SYT16: variants seen among roughly 807,000 people sequenced by gnomAD.
SYT16 encodes the protein synaptotagmin-16.
A neutral mutation model predicts 61.4 loss-of-function variants in SYT16; 42 were observed. The ratio of observed to expected loss-of-function variants is 0.68; its 90% CI spans 0.53 to 0.89. The LOEUF is 0.89. Among genes scored for constraint, SYT16 ranks in the 40% least tolerant of loss-of-function variants. The pLI, the probability that SYT16 is intolerant of heterozygous loss-of-function variation, is 0.00. For synonymous variants in SYT16, 314 were observed against 302.3 expected, an observed-to-expected ratio of 1.04 and a Z score of -0.40; for missense variants, 804 against 807.3, an observed-to-expected ratio of 1.00 and a Z score of 0.05.
At chr14:62,078,172 A>AACACACACACACACACACACACACAC (rs144022896) in intron 5 of SYT16, among the ~76,000 whole-genome samples, 222 of 128,766 alleles carry the variant, frequency 1.7e-3, no homozygotes, top group African/African-American at 5.7e-3. Context: ...TATATATATA[A>AACACACACACACACACACACACACAC]ACACACACAC....
intron 1 of SYT16, among the ~76,000 whole-genome samples, chr14:61,916,444 A>G (rs970544287): frequency 2.6e-5 from 4 of 151,812 alleles, no homozygotes; most frequent in Non-Finnish European, 4.4e-5. Context: ...TTTCCCTGCG[A>G]TTTATTTTTT....
At chr14:61,882,044 G>A (rs1008846962) in intron 1 of SYT16, among the ~76,000 whole-genome samples, 1 of 151,988 alleles carries the variant, frequency 6.6e-6, no homozygotes, top group African/African-American at 2.4e-5. Flanking sequence ...AAACAGCTTC[G>A]AATCTGTTTT....
intron 1 of SYT16, among the ~76,000 whole-genome samples, chr14:61,833,439 TG>T (rs1317799890): frequency 6.6e-6 from 1 of 151,836 alleles, no homozygotes; most frequent in Non-Finnish European, 1.5e-5. Flanking sequence ...ATTACAGGCA[TG>T]GGCCACCATG....
chr14:61,961,294 C>T (rs2051106101), intron 1 of SYT16, among the ~76,000 whole-genome samples: 1 of 152,148 alleles, frequency 6.6e-6, no homozygotes, highest in Non-Finnish European at 1.5e-5. Flanking sequence ...GAAAGAGCTT[C>T]TGCACAGCAA....
At chr14:61,873,462 A>G (rs1005798154) in intron 1 of SYT16, among the ~76,000 whole-genome samples, 7 of 152,180 alleles carry the variant, frequency 4.6e-5, no homozygotes, top group African/African-American at 1.4e-4. Context: ...CCTGGCTGCC[A>G]CTGGCCCCTT....
chr14:61,933,647 C>T (rs2049861365), intron 1 of SYT16, among the ~76,000 whole-genome samples: 1 of 152,182 alleles, frequency 6.6e-6, no homozygotes, highest in South Asian at 2.1e-4. Context: ...AATGTGACCC[C>T]TTCCCAGCTA....
At chr14:62,022,328 C>A (rs1002385318) in intron 3 of SYT16, among the ~76,000 whole-genome samples, 2 of 151,944 alleles carry the variant, frequency 1.3e-5, no homozygotes, top group African/African-American at 4.8e-5. Flanking sequence ...TTTGTTTCAG[C>A]ACTTTAAATA....
intron 1 of SYT16, among the ~76,000 whole-genome samples, chr14:61,842,691 C>T (rs886872478): frequency 5.9e-5 from 9 of 151,634 alleles, no homozygotes; most frequent in East Asian, 1.9e-4. Context: ...AACCAAACAC[C>T]GCCTGTTCTC....
At chr14:62,075,616 A>AG (rs2056465907) in intron 5 of SYT16, among the ~76,000 whole-genome samples, 2 of 114,298 alleles carry the variant, frequency 1.7e-5, no homozygotes, top group African/African-American at 8.4e-5. Context: ...AAAAAAAAAA[A>AG]AAAGAAAAAA....
At chr14:62,069,892 G>A in intron 4 of SYT16, 77 bp downstream of exon 4, 1 of 1,465,708 alleles carries the variant, frequency 6.8e-7, no homozygotes, top group Non-Finnish European at 9.4e-7. Context: ...TTCACCCTCT[G>A]CACTCTGCAT....
At chr14:62,096,109 A>T (rs1241641925) in intron 7 of SYT16, among the ~76,000 whole-genome samples, 1 of 152,086 alleles carries the variant, frequency 6.6e-6, no homozygotes, top group East Asian at 1.9e-4. Context: ...ATCAAGTGTG[A>T]AAAACAAGAT....
intron 3 of SYT16, among the ~76,000 whole-genome samples, chr14:62,039,923 A>G (rs750314171): frequency 6.6e-4 from 101 of 151,918 alleles, no homozygotes; most frequent in Non-Finnish European, 1.3e-3. Flanking sequence ...GTGAAAAGTG[A>G]TATGCTAGGA....
chr14:62,053,034 G>A (rs144737813), intron 3 of SYT16, among the ~76,000 whole-genome samples: 6 of 152,186 alleles, frequency 3.9e-5, no homozygotes, highest in Non-Finnish European at 8.8e-5. Context: ...ATGGGTAGAG[G>A]CTGGAAGGGT....
rs56324432 is a variant in SYT16 at position 62,092,173 on chromosome 14, AACACACACACACACACACACACACACAC to A, written c.1624+7815_1624+7842del. On this transcript the variant is annotated intron_variant, in intron 7 of 7. Transcript: ENST00000683842. ...TCATACCCATTAGGATGGCTACTAT[AACACACACACACACACACACACACACAC>A]ACACACACACACACACACACACACA... Among the ~76,000 whole-genome samples the A allele has an allele frequency of 5.3e-4, 70 of 131,360 alleles. 1 individual carries two copies. Among genetic ancestry groups the A allele is most frequent in the East Asian group, 8.7e-4 (4 of 4,574 alleles). 86.2% of individuals were successfully genotyped at this position (131,360 alleles called of 152,430 possible). A position where few individuals can be genotyped will look rare whatever the true frequency, so the allele number is the denominator to read the frequency against.
intron 1 of SYT16, among the ~76,000 whole-genome samples, chr14:61,909,373 A>G (rs1331340727): frequency 6.6e-6 from 1 of 152,216 alleles, no homozygotes; most frequent in African/African-American, 2.4e-5. Flanking sequence ...CGAGTCTGAA[A>G]TCAGGGTGTT....
At chr14:61,887,383 G>A (rs1434835035) in intron 1 of SYT16, among the ~76,000 whole-genome samples, 2 of 152,182 alleles carry the variant, frequency 1.3e-5, no homozygotes, top group Non-Finnish European at 2.9e-5. Context: ...AATGGCCAGT[G>A]AGCACTGGCT....
rs1338610361 is a variant in SYT16, at chr14:61,868,083, A to T, written c.-325+55273A>T. 3.9e-5 allele frequency among the ~76,000 whole-genome samples: 6 copies of T among 152,012 alleles called. No individual in the cohort carries two copies. In the East Asian group the frequency reaches 9.6e-4, roughly 24 times the overall value. On this transcript the variant is annotated intron_variant, in intron 1 of 7. Transcript: ENST00000683842. ...CATTTTAAGAGTTTTGTGTGTCTAT[A>T]TTCTTGTTCATGAAAAATATTGGTC...
At chr14:61,893,446 G>A (rs980959960) in intron 1 of SYT16, among the ~76,000 whole-genome samples, 2 of 152,204 alleles carry the variant, frequency 1.3e-5, no homozygotes, top group African/African-American at 4.8e-5. Flanking sequence ...AATGGCATAA[G>A]TTAAGTTTCA....
intron 1 of SYT16, among the ~76,000 whole-genome samples, chr14:61,959,960 A>G (rs938489695): frequency 4.3e-4 from 65 of 152,158 alleles, no homozygotes; most frequent in African/African-American, 1.5e-3. Context: ...CCTCCCAAGT[A>G]TAATAACTGA....
Sources: allele counts gnomAD v4.1 joint callset (sites outside exome capture counted in the v4.1 genomes callset), GRCh38; gene constraint gnomAD v4.1.1; transcripts MANE v1.5; gene names NCBI Gene and HGNC (gene_info 2026-07-23, HGNC 2026-07-21).